Variants in RHAG observed in about 807,000 individuals in gnomAD.
RHAG encodes ammonium transporter Rh type A.
RHAG carries 25 observed loss-of-function variants against 42.4 expected under a neutral mutation model. The observed-to-expected ratio is 0.59, with a 90% CI of 0.43 to 0.82. The LOEUF is 0.82. Ranked by LOEUF, RHAG falls within the 40% of genes least tolerant of loss-of-function variation. The pLI, the probability that RHAG is intolerant of heterozygous loss-of-function variation, is 0.00. For synonymous variants in RHAG, 182 were observed against 177.7 expected, an observed-to-expected ratio of 1.02 and a Z score of -0.19; for missense variants, 483 against 504.6, an observed-to-expected ratio of 0.96 and a Z score of 0.41.
chr6:49,615,129 T>G (rs1199490672), intron 4 of RHAG: 1 of 371,136 alleles, frequency 2.7e-6, no homozygotes, highest in Non-Finnish European at 5.0e-6. Context: ...TTTTTGTATT[T>G]TTAGTAGAGA....
chr6:49,619,302 T>C lies in RHAG; in HGVS notation c.218A>G (p.Lys73Arg). 6.2e-7 allele frequency: 1 copy of C among 1,614,132 alleles called. No homozygotes were observed. The highest frequency in any genetic ancestry group is 8.5e-7 in the Non-Finnish European group (1 of 1,180,032). The change falls in exon 2 of 10, where the codon AAG (lysine) becomes AGG (arginine). Residue 73 changes from lysine (K) to arginine (R), a missense_variant. By Grantham distance (26) the Lys-to-Arg change is conservative. Coordinates refer to ENST00000371175, the MANE Select transcript of RHAG (RefSeq NM_000324.3). ...VGFGFLMTFL[K>R]KYGFSSVGIN... Reference sequence around the variant, plus strand: ...ACCCACACTGCTGAAGCCATATTTCTTCAGGAAGGTCATGAGGAAGCCAAA... The same window carrying C: ...ACCCACACTGCTGAAGCCATATTTCCTCAGGAAGGTCATGAGGAAGCCAAA...
chr6:49,627,644 T>A (rs1371509637), intron 1 of RHAG, among the ~76,000 whole-genome samples: 1 of 152,178 alleles, frequency 6.6e-6, no homozygotes, highest in African/African-American at 2.4e-5. Flanking sequence ...TACCTGAGAC[T>A]GCGTAATTCA....
At position 49,614,729 on chromosome 6, in the gene RHAG, A is replaced by G. The variant is rs1206376958; in HGVS notation, c.765T>C (p.Phe255=). 2 of 1,613,962 alleles carry G rather than the reference A, an allele frequency of 1.2e-6. No individual in the cohort carries two copies. Among genetic ancestry groups the G allele is most frequent in the African/African-American group, 2.7e-5 (2 of 74,916 alleles). Residue 255 remains phenylalanine, a synonymous_variant, in exon 5 of 10, where the codon TTT becomes TTC. Coordinates refer to ENST00000371175, the MANE Select transcript of RHAG (RefSeq NM_000324.3). Reference sequence around the variant, plus strand: ...GGTGCTCCACTAGGCTGGAGAAGGCAAAGGCTGTGAGCACACAGGCAGCGA... The same window carrying G: ...GGTGCTCCACTAGGCTGGAGAAGGCGAAGGCTGTGAGCACACAGGCAGCGA... ...FSLAACVLTA[F]AFSSLVEHRG... is the part of the protein sequence containing the mutation.
intron 1 of RHAG, among the ~76,000 whole-genome samples, chr6:49,627,560 T>A (rs1476072551): frequency 1.3e-5 from 2 of 152,196 alleles, no homozygotes; most frequent in Non-Finnish European, 2.9e-5. Flanking sequence ...TTTTCGGGTA[T>A]CTTTACAGCA....
chr6:49,610,012 T>G (rs1238214479), intron 7 of RHAG, among the ~76,000 whole-genome samples: 1 of 151,384 alleles, frequency 6.6e-6, no homozygotes, highest in East Asian at 1.9e-4. Flanking sequence ...AAGTGGGAGT[T>G]GAACAGTGAG....
intron 1 of RHAG, among the ~76,000 whole-genome samples, chr6:49,633,041 C>T (rs373559942): frequency 2.0e-5 from 3 of 152,120 alleles, no homozygotes; most frequent in South Asian, 2.1e-4. Flanking sequence ...ATTGTGCTTA[C>T]GGTTGTGTGC....
At chr6:49,618,272 A>T in intron 2 of RHAG, 54 bp from the exon 3 acceptor site, 1 of 1,600,084 alleles carries the variant, frequency 6.2e-7, no homozygotes, top group South Asian at 1.1e-5. Context: ...CATAAAACTG[A>T]CCAAAGTGCA....
chr6:49,614,702 T>C lies in RHAG; in HGVS notation c.792A>G (p.Arg264=). The C allele has an allele frequency of 6.2e-7, 1 of 1,613,828 alleles. No homozygotes were observed. The change falls in exon 5 of 10, where the codon CGA becomes CGG. Residue 264 remains arginine (R), a synonymous_variant. Coordinates refer to ENST00000371175, the MANE Select transcript of RHAG (RefSeq NM_000324.3). The stretch of plus-strand genomic sequence containing the variant: ...CGGCACTTACCATGTTGAGCTTGCC[T>C]CGGTGCTCCACTAGGCTGGAGAAGG... ...AFAFSSLVEH[R]GKLNMVHIQN... is the part of the protein sequence containing the mutation.
intron 7 of RHAG, among the ~76,000 whole-genome samples, chr6:49,610,416 AC>A (rs1156294971): frequency 1.3e-5 from 2 of 152,116 alleles, no homozygotes; most frequent in Non-Finnish European, 2.9e-5. Flanking sequence ...ATTTAAGTAA[AC>A]ATTTATACCC....
intron 1 of RHAG, among the ~76,000 whole-genome samples, chr6:49,628,726 T>TA (rs1320023320): frequency 7.9e-5 from 12 of 152,098 alleles, no homozygotes; most frequent in Non-Finnish European, 1.5e-4. Context: ...CGGTGAGTGT[T>TA]ACAGCTCTTA....
intron 1 of RHAG, among the ~76,000 whole-genome samples, chr6:49,629,232 G>C (rs952418037): frequency 6.6e-6 from 1 of 151,964 alleles, no homozygotes; most frequent in African/African-American, 2.4e-5. Context: ...CCTTGAGCTA[G>C]ATACAGAGTG....
intron 6 of RHAG, among the ~76,000 whole-genome samples, chr6:49,611,852 C>T (rs565691457): frequency 5.3e-5 from 8 of 151,980 alleles, no homozygotes; most frequent in Middle Eastern, 3.4e-3. Flanking sequence ...AGTGATTCTC[C>T]TGCCTTAGCC....
intron 1 of RHAG, among the ~76,000 whole-genome samples, chr6:49,621,310 C>T (rs1488557745): frequency 6.6e-6 from 1 of 152,184 alleles, no homozygotes; most frequent in Non-Finnish European, 1.5e-5. Context: ...GGAAAATGCT[C>T]TTCTTTTGCT....
intron 6 of RHAG, among the ~76,000 whole-genome samples, chr6:49,611,548 T>C (rs1762568441): frequency 6.6e-6 from 1 of 152,148 alleles, no homozygotes; most frequent in African/African-American, 2.4e-5. Flanking sequence ...CATCTCCCCA[T>C]TTCCTTCTCC....
Position 49,605,723 on chromosome 6 carries a change from A to T in RHAG, c.*90T>A, listed in dbSNP as rs1223400255. On this transcript the variant is annotated 3_prime_UTR_variant, in exon 10 of 10. Coordinates refer to ENST00000371175, the MANE Select transcript of RHAG (RefSeq NM_000324.3). The stretch of plus-strand genomic sequence containing the variant: ...GTTTATTTGGACTTGATTCTGGATA[A>T]TGGGAAAGGAAGCTGGAGAGCAGGA... 8.4e-7 allele frequency: 1 copy of T among 1,184,360 alleles called. No homozygotes were observed. Among genetic ancestry groups the T allele is most frequent in the Non-Finnish European group, 1.3e-6 (1 of 787,586 alleles). The allele number at this position is 1,184,360 out of a possible 1,614,324, so 73.4% of individuals were successfully genotyped here.
intron 3 of RHAG, 79 bp downstream of exon 3, chr6:49,617,989 A>T: frequency 7.6e-7 from 1 of 1,314,294 alleles, no homozygotes. Context: ...TTGCTCCCAT[A>T]TACCGTAGAC....
chr6:49,617,961 T>G, intron 3 of RHAG, 107 bp downstream of exon 3: 5 of 945,676 alleles, frequency 5.3e-6, no homozygotes, highest in Non-Finnish European at 1.7e-6. Context: ...TTTGCTACGG[T>G]ATCACTCTCA....
chr6:49,616,863 G>A (rs531744206), intron 3 of RHAG, among the ~76,000 whole-genome samples: 3 of 152,280 alleles, frequency 2.0e-5, no homozygotes, highest in South Asian at 2.1e-4. Flanking sequence ...TCCCAGCTGG[G>A]AAACCTTGCC....
chr6:49,622,867 G>A (rs1368973732), intron 1 of RHAG, among the ~76,000 whole-genome samples: 1 of 132,954 alleles, frequency 7.5e-6, no homozygotes, highest in Non-Finnish European at 1.5e-5. Context: ...ACGGAGTCTC[G>A]CTCTGTCGCC....
Sources: allele counts gnomAD v4.1 joint callset (sites outside exome capture counted in the v4.1 genomes callset), GRCh38; gene constraint gnomAD v4.1.1; transcripts MANE v1.5; gene names NCBI Gene and HGNC (gene_info 2026-07-23, HGNC 2026-07-21).